The following IMPG1 variants were observed in gnomAD, a reference collection of about 807,000 sequenced individuals.
The protein encoded by IMPG1 is interphotoreceptor matrix proteoglycan of 150 kDa.
IMPG1 carries 85 observed loss-of-function variants against 92.0 expected under a neutral mutation model. The ratio of observed to expected loss-of-function variants is 0.92; its 90% CI spans 0.78 to 1.11. The LOEUF is 1.11. IMPG1 is among the 50% of genes least tolerant of loss of function. The probability of loss-of-function intolerance (pLI) is 0.00; values close to 1 mark genes in which losing one functional copy is unlikely to be tolerated. For missense variants in IMPG1, 1,022 were observed against 956.0 expected (o/e 1.07, Z -0.91); for synonymous variants, 367 against 334.1 (o/e 1.10, Z -1.08).
intron 1 of IMPG1, among the ~76,000 whole-genome samples, chr6:76,054,544 AAG>A (rs1180683300): frequency 6.6e-6 from 1 of 152,188 alleles, no homozygotes; most frequent in East Asian, 1.9e-4. Flanking sequence ...TTAAAATGAG[AAG>A]AATGGAAAAA....
At position 76,022,187 on chromosome 6, in the gene IMPG1, GA is replaced by G; in HGVS notation, c.594del (p.Leu199SerfsTer45). ...TTGAGGAGGGTGTCATCAGGAGTGA[GA>G]GGGAAAGGCCCAAGTGAGACGTTGG... is the stretch of plus-strand genomic sequence containing the variant. ...DVANVSLGPF[P>X]LTPDDTLLNE... On this transcript the variant is annotated frameshift_variant, in exon 6 of 17. Coordinates refer to ENST00000369950, the MANE Select transcript of IMPG1 (RefSeq NM_001563.4). LOFTEE classifies it high-confidence loss of function. 6.3e-7 allele frequency: 1 copy of G among 1,595,584 alleles called. No homozygotes were observed. The highest frequency in any genetic ancestry group is 8.6e-7 in the Non-Finnish European group (1 of 1,167,178).
Position 75,950,102 on chromosome 6 carries a change from T to C in IMPG1, c.1824+460A>G, listed in dbSNP as rs571127022. Among the ~76,000 whole-genome samples, 6 of 152,320 alleles carry C rather than the reference T, an allele frequency of 3.9e-5. No homozygotes were observed. The East Asian group carries it at 9.6e-4, about 24-fold the overall frequency. On this transcript the variant is annotated intron_variant, in intron 13 of 16. Transcript: ENST00000369950. ...AATGATAAACCACTTAGTCATTTTT[T>C]AGGTTTACAAGAACTTAAGGGGAAC...
chr6:75,936,162 T>C (rs1781741165), intron 14 of IMPG1, among the ~76,000 whole-genome samples: 2 of 152,232 alleles, frequency 1.3e-5, no homozygotes, highest in Non-Finnish European at 2.9e-5. Context: ...CTTGGGAACA[T>C]AGGTTAGCAT....
At chr6:76,048,300 T>A (rs146414067) in intron 1 of IMPG1, among the ~76,000 whole-genome samples, 1 of 152,368 alleles carries the variant, frequency 6.6e-6, no homozygotes, top group Non-Finnish European at 1.5e-5. Flanking sequence ...AGTTTTGTAC[T>A]GTCCTGGGGA....
At chr6:75,939,706 T>C (rs1781807083) in intron 14 of IMPG1, among the ~76,000 whole-genome samples, 1 of 152,194 alleles carries the variant, frequency 6.6e-6, no homozygotes, top group South Asian at 2.1e-4. Context: ...AAAACCCTCT[T>C]GCCACCTTTA....
intron 12 of IMPG1, among the ~76,000 whole-genome samples, chr6:75,966,781 C>T (rs193207618): frequency 2.6e-5 from 4 of 152,228 alleles, no homozygotes; most frequent in Admixed American, 2.0e-4. Flanking sequence ...CAAAAGAAAG[C>T]CTACATTTAT....
intron 16 of IMPG1, among the ~76,000 whole-genome samples, chr6:75,923,196 C>T (rs189724763): frequency 1.3e-4 from 20 of 152,044 alleles, no homozygotes; most frequent in Non-Finnish European, 2.2e-4. Flanking sequence ...TGAACTTTTA[C>T]GAATTTTTGA....
intron 7 of IMPG1, 87 bp downstream of exon 7, chr6:76,018,631 A>G: frequency 8.2e-7 from 1 of 1,216,922 alleles, no homozygotes; most frequent in Admixed American, 2.6e-5. Flanking sequence ...AGAAGCTGGA[A>G]CTGTTCGCCG....
intron 6 of IMPG1, among the ~76,000 whole-genome samples, chr6:76,020,335 G>A (rs879634305): frequency 5.9e-5 from 9 of 152,206 alleles, no homozygotes; most frequent in Non-Finnish European, 1.2e-4. Context: ...TTACAGGCAT[G>A]AGCCACCATG....
At chr6:75,940,981 A>G (rs1781829894) in intron 14 of IMPG1, among the ~76,000 whole-genome samples, 1 of 152,122 alleles carries the variant, frequency 6.6e-6, no homozygotes, top group Non-Finnish European at 1.5e-5. Context: ...CTGTAGAATT[A>G]ATTGCTCTCT....
intron 7 of IMPG1, among the ~76,000 whole-genome samples, chr6:76,012,010 A>G (rs950455184): frequency 9.2e-5 from 14 of 151,782 alleles, no homozygotes; most frequent in East Asian, 3.9e-4. Flanking sequence ...TAGCTATGAT[A>G]TTTTCTGAAT....
chr6:75,967,225 C>T (rs774022208), intron 12 of IMPG1, among the ~76,000 whole-genome samples: 3 of 151,992 alleles, frequency 2.0e-5, no homozygotes, highest in Non-Finnish European at 4.4e-5. Context: ...AGAAATGATT[C>T]AAAATGGAAT....
intron 2 of IMPG1, among the ~76,000 whole-genome samples, chr6:76,036,479 A>C (rs1783744464): frequency 1.3e-5 from 2 of 152,360 alleles, no homozygotes; most frequent in African/African-American, 4.8e-5. Flanking sequence ...GTTTAGTTTT[A>C]ATTGATTATA....
intron 12 of IMPG1, among the ~76,000 whole-genome samples, chr6:75,971,212 G>A (rs1044617947): frequency 1.3e-5 from 2 of 151,036 alleles, no homozygotes; most frequent in Non-Finnish European, 2.9e-5. Context: ...GCAAACTATC[G>A]CACGGACAAA....
At chr6:75,972,958 T>C (rs1041147235) in intron 12 of IMPG1, among the ~76,000 whole-genome samples, 2 of 152,194 alleles carry the variant, frequency 1.3e-5, no homozygotes, top group Non-Finnish European at 2.9e-5. Flanking sequence ...CAGTGTTTAA[T>C]GGCTTGCTGG....
chr6:75,943,190 C>T (rs577052967), intron 14 of IMPG1, among the ~76,000 whole-genome samples: 8 of 152,254 alleles, frequency 5.3e-5, no homozygotes, highest in African/African-American at 1.4e-4. Context: ...TCCTCCTCTT[C>T]AGCAGCCTCA....
At chr6:75,984,958 A>G (rs575396658) in intron 12 of IMPG1, among the ~76,000 whole-genome samples, 2 of 152,276 alleles carry the variant, frequency 1.3e-5, no homozygotes, top group Non-Finnish European at 2.9e-5. Flanking sequence ...TGTTGGTGCC[A>G]TGTTTGTACA....
intron 12 of IMPG1, among the ~76,000 whole-genome samples, chr6:75,999,523 A>G (rs1782951534): frequency 6.6e-6 from 1 of 152,174 alleles, no homozygotes; most frequent in African/African-American, 2.4e-5. Flanking sequence ...TTTATGAGGG[A>G]GGGAAGGCTT....
chr6:76,056,275 T>C (rs1298581793), intron 1 of IMPG1, among the ~76,000 whole-genome samples: 2 of 152,160 alleles, frequency 1.3e-5, no homozygotes, highest in Non-Finnish European at 2.9e-5. Context: ...ATTTCTATGT[T>C]TATTCATGAT....
Sources: gnomAD v4.1 joint callset for allele counts (sites outside exome capture counted in the v4.1 genomes callset) on GRCh38, gnomAD v4.1.1 for gene constraint, MANE v1.5 for transcripts, NCBI Gene and HGNC (gene_info 2026-07-23, HGNC 2026-07-21) for gene names.